Variants in USP40 observed in about 807,000 individuals in gnomAD.
USP40 encodes the protein ubiquitin carboxyl-terminal hydrolase 40.
A neutral mutation model predicts 166.2 loss-of-function variants in USP40; 143 were observed. The observed-to-expected ratio is 0.86, with a 90% CI of 0.75 to 0.99. USP40 has a LOEUF of 0.99. Among genes scored for constraint, USP40 ranks in the 50% least tolerant of loss-of-function variants. The probability of loss-of-function intolerance (pLI) is 0.00; values close to 1 mark genes in which losing one functional copy is unlikely to be tolerated. For missense variants in USP40, 1,444 were observed against 1,479.7 expected (o/e 0.98, Z 0.40); for synonymous variants, 498 against 524.0 (o/e 0.95, Z 0.68).
chr2:233,481,876 G>A (rs1054437939), intron 30 of USP40, among the ~76,000 whole-genome samples: 21 of 152,172 alleles, frequency 1.4e-4, no homozygotes, highest in South Asian at 2.1e-4. Flanking sequence ...TGTTATTTCC[G>A]TAAATGCTGT....
chr2:233,561,094 A>C (rs2125400525), intron 3 of USP40: 1 of 1,487,306 alleles, frequency 6.7e-7, no homozygotes, highest in East Asian at 2.5e-5. Flanking sequence ...CAAGCCACTT[A>C]ATTCCTTCTT....
Position 233,523,219 on chromosome 2 carries a change from G to A in USP40, c.2152C>T (p.Leu718Phe). Residue 718 changes from leucine to phenylalanine, a missense_variant, in exon 16 of 32, where the codon CTC becomes TTC. Leu to Phe is a conservative substitution (Grantham distance 22). Coordinates refer to ENST00000678225, the MANE Select transcript of USP40 (RefSeq NM_001365479.2). ...ATTAAAATTGAGCTTCCATTTCTGA[G>A]CCCTTGCTCCCTGAACGTCTTCCTC... The part of the protein sequence containing the change: ...DMRKTFREQG[L>F]RNGSSILIQD... 1 of 1,613,492 alleles carries A rather than the reference G, an allele frequency of 6.2e-7. No individual in the cohort carries two copies. The highest frequency in any genetic ancestry group is 8.5e-7 in the Non-Finnish European group (1 of 1,179,502).
intron 4 of USP40, among the ~76,000 whole-genome samples, chr2:233,558,398 C>A (rs2071287432): frequency 6.6e-6 from 1 of 151,144 alleles, no homozygotes; most frequent in Non-Finnish European, 1.5e-5. Flanking sequence ...AAACATGTGG[C>A]ATATCCATCT....
At chr2:233,514,152 G>C (rs1255074734) in intron 18 of USP40, among the ~76,000 whole-genome samples, 1 of 152,228 alleles carries the variant, frequency 6.6e-6, no homozygotes, top group African/African-American at 2.4e-5. Flanking sequence ...CACTGTGCTA[G>C]AAACTGGAAA....
chr2:233,506,904 G>A (rs955482715), intron 21 of USP40, among the ~76,000 whole-genome samples: 9 of 150,646 alleles, frequency 6.0e-5, no homozygotes, highest in Non-Finnish European at 1.2e-4. Context: ...GAGAAAGACT[G>A]TCTTAAAAAA....
At chr2:233,527,328 T>A (rs1477743478) in intron 13 of USP40, 79 bp downstream of exon 13, 3 of 1,494,776 alleles carry the variant, frequency 2.0e-6, no homozygotes, top group South Asian at 1.3e-5. Context: ...TAAAGTTGTA[T>A]CCTAAACAGA....
intron 31 of USP40, among the ~76,000 whole-genome samples, chr2:233,479,377 A>T (rs1306138806): frequency 6.6e-6 from 1 of 152,164 alleles, no homozygotes; most frequent in African/African-American, 2.4e-5. Context: ...ATCCTGGCCA[A>T]CATGGTGAAA....
rs1280898639 is a variant in USP40, at chr2:233,477,234, A to G, written c.*158T>C. 4 of 708,480 alleles carry G rather than the reference A, an allele frequency of 5.6e-6. No individual in the cohort carries two copies. The highest frequency in any genetic ancestry group is 7.4e-6 in the Non-Finnish European group (3 of 405,104). 43.9% of individuals were successfully genotyped at this position (708,480 alleles called of 1,614,324 possible). On this transcript the variant is annotated 3_prime_UTR_variant, in exon 32 of 32. Coordinates refer to ENST00000678225, the MANE Select transcript of USP40 (RefSeq NM_001365479.2). ...ACGTGTTGCAGAGCTAAGTGACTACATGCACTGGCCAGGCCTCAGAGGAGC... is the reference window on the plus strand; with the variant it reads ...ACGTGTTGCAGAGCTAAGTGACTACGTGCACTGGCCAGGCCTCAGAGGAGC...
At position 233,555,035 on chromosome 2, in the gene USP40, C is replaced by CA. The variant is rs536364996; in HGVS notation, c.547-510dup. On this transcript the variant is annotated intron_variant, in intron 5 of 31. Coordinates refer to ENST00000678225, the MANE Select transcript of USP40 (RefSeq NM_001365479.2). ...TGAAACCCTATCTCTACTAAAAATA[C>CA]AAAAAAAATTAGCTGGGTGTGGTGG... is the stretch of plus-strand genomic sequence containing the variant. Among the ~76,000 whole-genome samples, 1,016 of 151,812 alleles carry CA rather than the reference C, an allele frequency of 6.7e-3. 4 individuals carry two copies. The highest frequency in any genetic ancestry group is 0.022 in the African/African-American group (926 of 41,386).
chr2:233,508,061 G>A (rs1291172309), intron 21 of USP40, among the ~76,000 whole-genome samples: 1 of 152,074 alleles, frequency 6.6e-6, no homozygotes, highest in East Asian at 1.9e-4. Context: ...CCAGTTTTAT[G>A]TGTCAATAAC....
At chr2:233,566,175 C>T (rs142426540) in intron 1 of USP40, among the ~76,000 whole-genome samples, 137 of 138,208 alleles carry the variant, frequency 9.9e-4, no homozygotes, top group African/African-American at 3.4e-3. Flanking sequence ...GGAAGGGGAG[C>T]GGAGGGCGGG....
chr2:233,545,459 C>T (rs1350959143), intron 8 of USP40: 2 of 152,240 alleles, frequency 1.3e-5, no homozygotes, highest in Non-Finnish European at 2.9e-5. Context: ...GCCTTCTTTG[C>T]CCCACTTCCT....
rs1219883457 is a variant in USP40 at position 233,477,236 on chromosome 2, G to A, written c.*156C>T. 1 of 713,310 alleles carries A rather than the reference G, an allele frequency of 1.4e-6. No homozygotes were observed. 44.2% of individuals were successfully genotyped at this position (713,310 alleles called of 1,614,324 possible). On this transcript the variant is annotated 3_prime_UTR_variant, in exon 32 of 32. Coordinates refer to ENST00000678225, the MANE Select transcript of USP40 (RefSeq NM_001365479.2). Reference sequence around the variant, plus strand: ...GTGTTGCAGAGCTAAGTGACTACATGCACTGGCCAGGCCTCAGAGGAGCCG... The same window carrying A: ...GTGTTGCAGAGCTAAGTGACTACATACACTGGCCAGGCCTCAGAGGAGCCG...
At chr2:233,488,629 C>T (rs1212525822) in intron 27 of USP40, among the ~76,000 whole-genome samples, 1 of 152,212 alleles carries the variant, frequency 6.6e-6, no homozygotes, top group Non-Finnish European at 1.5e-5. Context: ...TTAAAAGCAG[C>T]CTTGGCCAGG....
chr2:233,531,873 A>T (rs1372848385), intron 11 of USP40, among the ~76,000 whole-genome samples: 1 of 152,192 alleles, frequency 6.6e-6, no homozygotes, highest in Non-Finnish European at 1.5e-5. Flanking sequence ...AAATCTTACT[A>T]GGCCTCATGC....
chr2:233,493,363 C>A lies in USP40; in HGVS notation c.2917+62G>T, dbSNP rs2065470649. On this transcript the variant is annotated intron_variant, in intron 25 of 31. Transcript: ENST00000678225. This position sits in a 1 kb window ranked among gnomAD's most constrained non-coding sequence, Gnocchi z 4.7. ...AATATATCAATTGACTCTCAGAGCA[C>A]AGGCAGTCAATTTACTTCTCTTTAT... The A allele has an allele frequency of 6.2e-7, 1 of 1,609,842 alleles. No individual in the cohort carries two copies. Among genetic ancestry groups the A allele is most frequent in the Admixed American group, 1.7e-5 (1 of 59,866 alleles).
rs771919703 is a variant in USP40 at position 233,488,270 on chromosome 2, A to G, written c.3166T>C (p.Leu1056=). 1.2e-5 allele frequency: 20 copies of G among 1,604,476 alleles called. No individual in the cohort carries two copies. The South Asian group carries it at 1.7e-4, about 14-fold the overall frequency. ...TTTTCGCCTTTCTGAAGGGGCTCTAAGCAGATCTCAATTCTCCGTCCTAGT... is the reference window on the plus strand; with the variant it reads ...TTTTCGCCTTTCTGAAGGGGCTCTAGGCAGATCTCAATTCTCCGTCCTAGT... ...YKLGRRIEIC[L]EPLQKGENLG... The change falls in exon 28 of 32, where the codon TTA becomes CTA. Residue 1056 remains leucine, a synonymous_variant. Transcript: ENST00000678225.
intron 8 of USP40, among the ~76,000 whole-genome samples, chr2:233,543,643 G>A (rs1247295596): frequency 1.3e-5 from 2 of 152,232 alleles, no homozygotes; most frequent in African/African-American, 4.8e-5. Context: ...TTTCTGCCAT[G>A]TGAGGACACA....
chr2:233,482,586 T>TTTTTTG (rs2064690805), intron 30 of USP40, among the ~76,000 whole-genome samples: 3 of 146,564 alleles, frequency 2.0e-5, no homozygotes, highest in African/African-American at 8.2e-5. Flanking sequence ...ACTGGAGTTT[T>TTTTTTG]TTTTTTTTGT....
Sources: gnomAD v4.1 joint callset for allele counts (sites outside exome capture counted in the v4.1 genomes callset) on GRCh38, gnomAD v4.1.1 for gene constraint, Gnocchi (gnomAD v3.1) non-coding constraint, MANE v1.5 for transcripts, NCBI Gene and HGNC (gene_info 2026-07-23, HGNC 2026-07-21) for gene names.